The following NOS1AP variants were observed in gnomAD, a reference collection of about 807,000 sequenced individuals.
NOS1AP encodes nitric oxide synthase 1 adaptor protein, also known as carboxyl-terminal PDZ ligand of neuronal nitric oxide synthase protein.
NOS1AP carries 21 observed loss-of-function variants against 56.2 expected under a neutral mutation model. The ratio of observed to expected loss-of-function variants is 0.37; its 90% CI spans 0.26 to 0.54. The LOEUF (loss-of-function observed/expected upper bound fraction) is 0.54, where lower values mean the gene tolerates loss of function less well. NOS1AP is among the 20% of genes least tolerant of loss of function. The pLI is 0.84. For synonymous variants in NOS1AP, 270 were observed against 274.6 expected, an observed-to-expected ratio of 0.98 and a Z score of 0.17; for missense variants, 522 against 657.8, an observed-to-expected ratio of 0.79 and a Z score of 2.26.
In NOS1AP at chr1:162,165,650, C is replaced by T. The variant is rs148780762; in HGVS notation, c.177+11174C>T. On this transcript the variant is annotated intron_variant, in intron 2 of 9. Transcript: ENST00000361897. ...CCAAGGCAAGACTCCAGTCTGCTTA[C>T]ATCTGACTCAGAGATCCTACAAGAA... 4.3e-3 allele frequency among the ~76,000 whole-genome samples: 661 copies of T among 152,272 alleles called. 3 individuals are homozygous for T. The highest frequency in any genetic ancestry group is 6.6e-3 in the Non-Finnish European group (447 of 68,010).
At position 162,367,631 on chromosome 1, in the gene NOS1AP, G is replaced by C; in HGVS notation, c.*164G>C. ...GAAAGTATTGAGATTCTGCTTTGGAGGGTAAAGTGGGGAAGAAATCGGATT... is the reference window on the plus strand; with the variant it reads ...GAAAGTATTGAGATTCTGCTTTGGACGGTAAAGTGGGGAAGAAATCGGATT... On this transcript the variant is annotated 3_prime_UTR_variant, in exon 10 of 10. Transcript: ENST00000361897. This position sits in a 1 kb window ranked among gnomAD's most constrained non-coding sequence, Gnocchi z 6.5. 1.3e-6 allele frequency: 1 copy of C among 763,738 alleles called. No individual in the cohort carries two copies. Among genetic ancestry groups the C allele is most frequent in the East Asian group, 2.7e-5 (1 of 36,722 alleles). 47.3% of individuals were successfully genotyped at this position (763,738 alleles called of 1,614,324 possible). A position where few individuals can be genotyped will look rare whatever the true frequency, so the allele number is the denominator to read the frequency against.
At chr1:162,249,364 A>G (rs749242936) in intron 2 of NOS1AP, among the ~76,000 whole-genome samples, 26 of 152,178 alleles carry the variant, frequency 1.7e-4, no homozygotes, top group Admixed American at 1.6e-3. Flanking sequence ...GCAATGTCTC[A>G]TGTGAACACA....
intron 3 of NOS1AP, among the ~76,000 whole-genome samples, chr1:162,296,406 G>A (rs1028828998): frequency 6.6e-6 from 1 of 152,176 alleles, no homozygotes; most frequent in Non-Finnish European, 1.5e-5. Context: ...TCTCTTCATA[G>A]ATTTAATAAT....
chr1:162,112,895 C>T (rs1204192783), intron 1 of NOS1AP, among the ~76,000 whole-genome samples: 3 of 152,078 alleles, frequency 2.0e-5, no homozygotes, highest in African/African-American at 2.4e-5. Flanking sequence ...TTTATAACAA[C>T]TTTATGGGGT....
At chr1:162,127,867 C>T (rs1240412877) in intron 1 of NOS1AP, among the ~76,000 whole-genome samples, 1 of 152,112 alleles carries the variant, frequency 6.6e-6, no homozygotes, top group Non-Finnish European at 1.5e-5. Flanking sequence ...CATGAGATTT[C>T]GTGGGGACAT....
At chr1:162,234,607 G>T (rs2101673206) in intron 2 of NOS1AP, among the ~76,000 whole-genome samples, 1 of 152,152 alleles carries the variant, frequency 6.6e-6, no homozygotes, top group Non-Finnish European at 1.5e-5. Flanking sequence ...GTGCCACTTT[G>T]TGTCCCCATC....
At chr1:162,264,484 C>T (rs7532158) in intron 2 of NOS1AP, among the ~76,000 whole-genome samples, 197 of 25,758 alleles carry the variant, frequency 7.6e-3, no homozygotes, top group East Asian at 0.074. Context: ...CCCTCCCCTC[C>T]CCTCTCCTCC....
chr1:162,160,003 A>G (rs1650134048), intron 2 of NOS1AP, among the ~76,000 whole-genome samples: 2 of 152,058 alleles, frequency 1.3e-5, no homozygotes, highest in East Asian at 3.9e-4. Context: ...TGGAGACTTG[A>G]TTTCTTGCTC....
chr1:162,130,161 G>A (rs12084985), intron 1 of NOS1AP, among the ~76,000 whole-genome samples: 36,336 of 152,070 alleles, frequency 0.24, 8,203 homozygotes, highest in African/African-American at 0.6. Context: ...GTGGAGTTAC[G>A]GCTATTTCTG....
chr1:162,151,177 T>C (rs1649690194), intron 1 of NOS1AP, among the ~76,000 whole-genome samples: 1 of 152,228 alleles, frequency 6.6e-6, no homozygotes, highest in Non-Finnish European at 1.5e-5. Context: ...TTCTTCTACA[T>C]ATGGATATCC....
intron 2 of NOS1AP, among the ~76,000 whole-genome samples, chr1:162,195,774 C>G (rs1557828543): frequency 1.3e-5 from 2 of 152,258 alleles, no homozygotes; most frequent in East Asian, 1.9e-4. Context: ...ATCACTCCAG[C>G]CCATATTAAT....
chr1:162,251,871 T>TG (rs1653871000), intron 2 of NOS1AP, among the ~76,000 whole-genome samples: 5 of 45,320 alleles, frequency 1.1e-4, no homozygotes, highest in African/African-American at 2.4e-4. Context: ...TTTTTTTTGT[T>TG]TTTTTTTTTT....
intron 2 of NOS1AP, among the ~76,000 whole-genome samples, chr1:162,222,409 T>C (rs990295952): frequency 6.6e-6 from 1 of 152,242 alleles, no homozygotes; most frequent in African/African-American, 2.4e-5. Context: ...GAGCTCATTA[T>C]GGACTTGGGT....
chr1:162,070,437 A>G (rs1459755852), intron 1 of NOS1AP, among the ~76,000 whole-genome samples, 155 bp downstream of exon 1: 1 of 152,164 alleles, frequency 6.6e-6, no homozygotes, highest in African/African-American at 2.4e-5. Flanking sequence ...TTCTGAGTCT[A>G]TAATTCCGCG....
At position 162,172,428 on chromosome 1, in the gene NOS1AP, G is replaced by A. The variant is rs116145085; in HGVS notation, c.177+17952G>A. ...AAAAGAATGGCTATCCCAGTCTGGA[G>A]TGGGGGATGTGGGCCTGTGAATGGG... On this transcript the variant is annotated intron_variant, in intron 2 of 9. Coordinates refer to ENST00000361897, the MANE Select transcript of NOS1AP (RefSeq NM_014697.3). Among the ~76,000 whole-genome samples the A allele has an allele frequency of 2.6e-3, 397 of 152,334 alleles. 2 individuals carry two copies. Among genetic ancestry groups the A allele is most frequent in the African/African-American group, 9.0e-3 (374 of 41,574 alleles).
intron 2 of NOS1AP, among the ~76,000 whole-genome samples, chr1:162,218,101 C>T (rs1268281756): frequency 6.6e-6 from 1 of 152,178 alleles, no homozygotes. Context: ...CCTTTCTCTT[C>T]CTGGAGGCCC....
At chr1:162,339,416 T>C (rs529927758) in intron 5 of NOS1AP, among the ~76,000 whole-genome samples, 4 of 150,166 alleles carry the variant, frequency 2.7e-5, no homozygotes, top group African/African-American at 9.9e-5. Flanking sequence ...AAAAAAAAAA[T>C]CTAGTAAATT....
intron 1 of NOS1AP, among the ~76,000 whole-genome samples, chr1:162,077,855 G>C (rs1482794009): frequency 1.3e-5 from 2 of 152,130 alleles, no homozygotes; most frequent in Non-Finnish European, 2.9e-5. Flanking sequence ...CCTTGTGAGA[G>C]AGTACTCCAC....
At chr1:162,192,906 G>A (rs939059546) in intron 2 of NOS1AP, among the ~76,000 whole-genome samples, 1 of 152,004 alleles carries the variant, frequency 6.6e-6, no homozygotes, top group South Asian at 2.1e-4. Context: ...GGGAGACTTA[G>A]CAAGGGATCT....
Sources: gnomAD v4.1 joint callset for allele counts (sites outside exome capture counted in the v4.1 genomes callset) on GRCh38, gnomAD v4.1.1 for gene constraint, Gnocchi (gnomAD v3.1) non-coding constraint, MANE v1.5 for transcripts, NCBI Gene and HGNC (gene_info 2026-07-23, HGNC 2026-07-21) for gene names.